The following NCOA1 variants were observed in gnomAD, a reference collection of about 807,000 sequenced individuals.
The protein encoded by NCOA1 is Hin-2 protein.
NCOA1 carries 35 observed loss-of-function variants against 150.9 expected under a neutral mutation model. That is an observed-to-expected ratio of 0.23 (90% CI 0.18 to 0.31). The LOEUF is 0.31. Ranked by LOEUF, NCOA1 falls within the 10% of genes least tolerant of loss-of-function variation. NCOA1 has a pLI of 1.00. For missense variants in NCOA1, 1,491 were observed against 1,749.3 expected (o/e 0.85, Z 2.63); for synonymous variants, 590 against 630.0 (o/e 0.94, Z 0.95).
At chr2:24,556,062 A>G (rs1232748218) in intron 1 of NCOA1, 3 of 152,190 alleles carry the variant, frequency 2.0e-5, no homozygotes, top group Non-Finnish European at 4.4e-5. Flanking sequence ...ACAGGTAAAC[A>G]TGTTCCATGG....
At chr2:24,687,010 T>TA (rs1672436912) in intron 8 of NCOA1, among the ~76,000 whole-genome samples, 1 of 152,140 alleles carries the variant, frequency 6.6e-6, no homozygotes, top group Non-Finnish European at 1.5e-5. Context: ...GTCATGAAAT[T>TA]AAACTTCAAG....
intron 2 of NCOA1, among the ~76,000 whole-genome samples, chr2:24,572,683 T>C (rs1169539205): frequency 1.3e-5 from 2 of 152,212 alleles, no homozygotes; most frequent in African/African-American, 4.8e-5. Flanking sequence ...CTGCACCTGC[T>C]ATTTTACATA....
At chr2:24,750,925 GGA>G (rs1412334691) in intron 19 of NCOA1, among the ~76,000 whole-genome samples, 1 of 151,336 alleles carries the variant, frequency 6.6e-6, no homozygotes, top group Non-Finnish European at 1.5e-5. Context: ...AAAGGGGGAA[GGA>G]GGGGGGGAAG....
chr2:24,620,720 T>G (rs1430168242), intron 3 of NCOA1, among the ~76,000 whole-genome samples: 3 of 151,378 alleles, frequency 2.0e-5, no homozygotes, highest in Non-Finnish European at 4.4e-5. Context: ...TTTTGTATGT[T>G]CACTGGCTCA....
intron 14 of NCOA1, among the ~76,000 whole-genome samples, chr2:24,717,621 AATC>A (rs1243952527): frequency 6.6e-6 from 1 of 152,146 alleles, no homozygotes; most frequent in Non-Finnish European, 1.5e-5. Context: ...TATATATATA[AATC>A]ATGTGTATGC....
At chr2:24,692,704 A>G (rs1431044773) in intron 9 of NCOA1, among the ~76,000 whole-genome samples, 1 of 152,212 alleles carries the variant, frequency 6.6e-6, no homozygotes, top group Non-Finnish European at 1.5e-5. Flanking sequence ...CTCCTCTGGT[A>G]TATATAAGAG....
chr2:24,569,778 G>A (rs1289654793), intron 2 of NCOA1, among the ~76,000 whole-genome samples: 1 of 150,176 alleles, frequency 6.7e-6, no homozygotes, highest in Non-Finnish European at 1.5e-5. Context: ...GCCGAGGCAG[G>A]AGAATCGCTT....
intron 14 of NCOA1, among the ~76,000 whole-genome samples, chr2:24,717,116 G>T (rs1001590405): frequency 8.5e-5 from 13 of 152,136 alleles, no homozygotes; most frequent in Admixed American, 5.2e-4. Context: ...CAATATGCTG[G>T]CGAGGATGTA....
chr2:24,762,127 A>AGCCGG (rs1384433261), intron 21 of NCOA1, among the ~76,000 whole-genome samples: 2 of 152,258 alleles, frequency 1.3e-5, no homozygotes, highest in African/African-American at 4.8e-5. Context: ...TCCATGATAC[A>AGCCGG]GCCGGAAATA....
At position 24,602,994 on chromosome 2, in the gene NCOA1, T is replaced by C. The variant is rs569905067; in HGVS notation, c.-175+18434T>C. Among the ~76,000 whole-genome samples, 11 of 152,352 alleles carry C rather than the reference T, an allele frequency of 7.2e-5. No individual in the cohort carries two copies. In the South Asian group the frequency reaches 2.3e-3, roughly 32 times the overall value. ...CCTAAATTATCTATTGATCCACTTA[T>C]TTTATCAAACTTTTTAAAAAAGATA... On this transcript the variant is annotated intron_variant, in intron 3 of 22. Coordinates refer to ENST00000348332, the MANE Select transcript of NCOA1 (RefSeq NM_003743.5).
At chr2:24,518,976 A>G (rs1175663921) in intron 1 of NCOA1, among the ~76,000 whole-genome samples, 2 of 152,228 alleles carry the variant, frequency 1.3e-5, no homozygotes, top group African/African-American at 2.4e-5. Context: ...AGCTGATTCT[A>G]AAATTCATAT....
intron 1 of NCOA1, among the ~76,000 whole-genome samples, chr2:24,549,585 A>G (rs1178729306): frequency 6.6e-6 from 1 of 151,922 alleles, no homozygotes; most frequent in Non-Finnish European, 1.5e-5. Context: ...CTTTTCTTTT[A>G]AGACAGAGTC....
At chr2:24,751,560 G>T (rs1274754645) in intron 19 of NCOA1, among the ~76,000 whole-genome samples, 4 of 150,598 alleles carry the variant, frequency 2.7e-5, no homozygotes, top group Non-Finnish European at 5.9e-5. Context: ...TCCAGCCTGG[G>T]TGACAGAGCA....
intron 7 of NCOA1, among the ~76,000 whole-genome samples, chr2:24,674,748 T>C (rs1671829929): frequency 2.1e-5 from 1 of 48,390 alleles, no homozygotes; most frequent in Non-Finnish European, 7.4e-5. Context: ...AAGTCCAGTA[T>C]GGGCATTTTT....
At chr2:24,611,365 A>G (rs776051667) in intron 3 of NCOA1, among the ~76,000 whole-genome samples, 1 of 152,100 alleles carries the variant, frequency 6.6e-6, no homozygotes, top group Non-Finnish European at 1.5e-5. Flanking sequence ...ATCTAGGTTG[A>G]CTTCATGTTT....
At chr2:24,522,507 C>A (rs1171947205) in intron 1 of NCOA1, among the ~76,000 whole-genome samples, 1 of 152,054 alleles carries the variant, frequency 6.6e-6, no homozygotes, top group Non-Finnish European at 1.5e-5. Context: ...GATAAGGGTA[C>A]ATGTTAGAAG....
intron 1 of NCOA1, among the ~76,000 whole-genome samples, chr2:24,549,426 A>G (rs1212202851): frequency 1.3e-5 from 2 of 152,034 alleles, no homozygotes; most frequent in African/African-American, 4.8e-5. Context: ...CTCTGGAGAC[A>G]TTTTCCCCAT....
At chr2:24,526,523 A>G (rs973502122) in intron 1 of NCOA1, among the ~76,000 whole-genome samples, 2 of 152,060 alleles carry the variant, frequency 1.3e-5, no homozygotes, top group African/African-American at 2.4e-5. Flanking sequence ...TTTAAAAAAA[A>G]TAGGCTATCA....
intron 1 of NCOA1, among the ~76,000 whole-genome samples, chr2:24,549,215 T>TG (rs1665728902): frequency 6.6e-6 from 1 of 152,256 alleles, no homozygotes; most frequent in South Asian, 2.1e-4. Context: ...TGCTAAGGCT[T>TG]GGGGCTTGCA....
Sources: gnomAD v4.1 joint callset for allele counts (sites outside exome capture counted in the v4.1 genomes callset) on GRCh38, gnomAD v4.1.1 for gene constraint, MANE v1.5 for transcripts, NCBI Gene and HGNC (gene_info 2026-07-23, HGNC 2026-07-21) for gene names.